MTMR10: variants seen among roughly 807,000 people sequenced by gnomAD.
MTMR10 encodes myotubularin related protein 10, also known as myotubularin-related protein 10.
In MTMR10, 56 loss-of-function variants were observed where a neutral mutation model predicts 88.1. The observed-to-expected ratio is 0.64, with a 90% CI of 0.51 to 0.79. The LOEUF is 0.79. Ranked by LOEUF, MTMR10 falls within the 30% of genes least tolerant of loss-of-function variation. MTMR10 has a pLI of 0.00. For missense variants in MTMR10, 883 were observed against 924.7 expected, an observed-to-expected ratio of 0.95 and a Z score of 0.58; for synonymous variants, 380 against 340.9, an observed-to-expected ratio of 1.11 and a Z score of -1.26.
the MTMR10 span, among the ~76,000 whole-genome samples, chr15:30,919,436 A>C: frequency 1.3e-5 from 2 of 151,490 alleles, no homozygotes; most frequent in Non-Finnish European, 2.9e-5. Flanking sequence ...CATGCCTGTA[A>C]TCCCAGCACT....
At chr15:30,963,792 T>C (rs2063439218) in intron 6 of MTMR10, among the ~76,000 whole-genome samples, 1 of 152,158 alleles carries the variant, frequency 6.6e-6, no homozygotes. Context: ...GAAGGAAGAC[T>C]TAGGAGTTAT....
chr15:30,941,163 G>C lies in MTMR10; in HGVS notation c.*307C>G. On this transcript the variant is annotated 3_prime_UTR_variant, in exon 16 of 16. Transcript: ENST00000435680. ...GGGCTGCTAATGTGACTGACTATCA[G>C]ATAGCCTTCAGGAGGTGGTAGGAAA... 2 of 1,319,468 alleles carry C rather than the reference G, an allele frequency of 1.5e-6. No individual in the cohort carries two copies. Among genetic ancestry groups the C allele is most frequent in the Admixed American group, 4.5e-5 (2 of 44,196 alleles). 81.7% of individuals were successfully genotyped at this position (1,319,468 alleles called of 1,614,324 possible).
chr15:30,920,422 C>T, the MTMR10 span: 1 of 680,802 alleles, frequency 1.5e-6, no homozygotes, highest in African/African-American at 1.8e-5. Flanking sequence ...TTGTACACAA[C>T]TGAAAGTATT....
At chr15:30,925,707 C>T in the MTMR10 span, 1 of 1,489,728 alleles carries the variant, frequency 6.7e-7, no homozygotes, top group Non-Finnish European at 9.2e-7. Flanking sequence ...TAAGGGAGGT[C>T]AATCCTCACG....
At chr15:30,949,267 G>A (rs1490957356) in intron 12 of MTMR10, 1 of 152,182 alleles carries the variant, frequency 6.6e-6, no homozygotes, top group African/African-American at 2.4e-5. Context: ...ACTGGTGAAA[G>A]ACTGGATACT....
intron 1 of MTMR10, chr15:30,991,171 G>A (rs914850539): frequency 4.2e-6 from 2 of 475,366 alleles, no homozygotes; most frequent in African/African-American, 2.0e-5. Flanking sequence ...GAAAACCCCA[G>A]CTCCCAAGGC....
chr15:30,961,589 C>T (rs1394543696), intron 6 of MTMR10, among the ~76,000 whole-genome samples: 3 of 152,164 alleles, frequency 2.0e-5, no homozygotes, highest in South Asian at 2.1e-4. Context: ...TTCACAACTC[C>T]GTAAAACAGC....
At position 30,959,129 on chromosome 15, in the gene MTMR10, G is replaced by A; in HGVS notation, c.759-8C>T. On this transcript the variant is annotated splice_polypyrimidine_tract_variant and splice_region_variant and intron_variant, in intron 7 of 15. Transcript: ENST00000435680. ...ACAATGTATTCTGGAAGGCTGGAGG[G>A]GAAAAAAAAAATTATATGAGTGCTG... 2.6e-6 allele frequency: 4 copies of A among 1,544,008 alleles called. No individual in the cohort carries two copies. Among genetic ancestry groups the A allele is most frequent in the Middle Eastern group, 1.7e-4 (1 of 5,900 alleles).
intron 14 of MTMR10, among the ~76,000 whole-genome samples, chr15:30,944,856 A>G (rs1303704648): frequency 6.6e-6 from 1 of 151,968 alleles, no homozygotes; most frequent in Non-Finnish European, 1.5e-5. Flanking sequence ...ACAAAAAAAT[A>G]CAAAAATTAG....
Position 30,954,752 on chromosome 15 carries a change from A to T in MTMR10, c.1066+11T>A. 6.3e-7 allele frequency: 1 copy of T among 1,585,690 alleles called. No homozygotes were observed. The highest frequency in any genetic ancestry group is 8.6e-7 in the Non-Finnish European group (1 of 1,169,080). On this transcript the variant is annotated intron_variant, in intron 10 of 15. Transcript: ENST00000435680. ...GTGTTCATTATATATATGAAATAAGAATGAAATTACCATTAACGCATAGCT... is the reference window on the plus strand; with the variant it reads ...GTGTTCATTATATATATGAAATAAGTATGAAATTACCATTAACGCATAGCT...
rs866545347 is a variant in MTMR10, at chr15:30,942,930, C to T, written c.1691G>A (p.Cys564Tyr). Residue 564 changes from cysteine to tyrosine, a missense_variant, in exon 15 of 16, where the codon TGT (cysteine) becomes TAT (tyrosine). Cys to Tyr is a radical substitution (Grantham distance 194). Around this residue, in one of 3 missense-constraint regions of MTMR10, gnomAD observed 343 missense variants for 323.2 expected, o/e 1.06. Transcript: ENST00000435680. Reference sequence around the variant, plus strand: ...AGACTTCACGGAGCCATTCTGTATACAAGGTGTGCTCTTTCCAATGTAGAA... The same window carrying T: ...AGACTTCACGGAGCCATTCTGTATATAAGGTGTGCTCTTTCCAATGTAGAA... ...NPFYIGKSTP[C>Y]IQNGSVKSFK... 3 of 1,568,108 alleles carry T rather than the reference C, an allele frequency of 1.9e-6. No individual in the cohort carries two copies. The highest frequency in any genetic ancestry group is 1.9e-5 in the Admixed American group (1 of 53,324).
At chr15:30,980,077 C>T (rs982788570) in intron 2 of MTMR10, among the ~76,000 whole-genome samples, 7 of 152,174 alleles carry the variant, frequency 4.6e-5, no homozygotes, top group African/African-American at 1.7e-4. Context: ...GTTACTGAAG[C>T]GACAACTCTT....
chr15:30,991,385 G>T lies in MTMR10; in HGVS notation c.60+62C>A, dbSNP rs146920979. ...TGGGGTCCTCCAGTTCCCGGGGGTC[G>T]GCCTGGAGGCTCCACGGAAGCGCAG... On this transcript the variant is annotated intron_variant, in intron 1 of 15. Coordinates refer to ENST00000435680, the MANE Select transcript of MTMR10 (RefSeq NM_017762.3). 1,208 of 1,393,312 alleles carry T rather than the reference G, an allele frequency of 8.7e-4. 10 individuals carry two copies. In the African/African-American group the frequency reaches 0.016, roughly 19 times the overall value. 86.3% of individuals were successfully genotyped at this position (1,393,312 alleles called of 1,614,324 possible).
chr15:30,922,474 ATTC>A, the MTMR10 span: 1 of 1,066,844 alleles, frequency 9.4e-7, no homozygotes, highest in Non-Finnish European at 1.4e-6. Context: ...TTTTGTTAAC[ATTC>A]TTCTTTTGTC....
rs767912155 is a variant in MTMR10 at position 30,942,029 on chromosome 15, T to A, written c.1775A>T (p.Lys592Met). ...STLRGMPSAL[K>M]NGIISDQELL... ...TTCTTGGTCACTGATGATTCCATTC[T>A]TTAAGGCAGACGGCATTCCTCTTAG... The change falls in exon 16 of 16, where the codon AAG becomes ATG. Residue 592 changes from lysine to methionine, a missense_variant. By Grantham distance (95) the Lys-to-Met change is moderately conservative. Coordinates refer to ENST00000435680, the MANE Select transcript of MTMR10 (RefSeq NM_017762.3). 1 of 1,614,056 alleles carries A rather than the reference T, an allele frequency of 6.2e-7. No individual in the cohort carries two copies. Among genetic ancestry groups the A allele is most frequent in the Non-Finnish European group, 8.5e-7 (1 of 1,179,888 alleles).
At chr15:30,968,121 C>A in intron 5 of MTMR10, 111 bp from the exon 6 acceptor site, 1 of 713,236 alleles carries the variant, frequency 1.4e-6, no homozygotes. Flanking sequence ...ATTATAGATA[C>A]TATTTACATG....
the MTMR10 span, among the ~76,000 whole-genome samples, chr15:30,923,004 C>A: frequency 4.8e-4 from 73 of 152,212 alleles, no homozygotes; most frequent in Non-Finnish European, 1.0e-3. Flanking sequence ...TTTGTGTGGC[C>A]GCCAGCAGGC....
chr15:30,941,168 C>T lies in MTMR10; in HGVS notation c.*302G>A, dbSNP rs529973073. The T allele has an allele frequency of 9.1e-4, 1,206 of 1,322,704 alleles. 1 individual carries two copies. The highest frequency in any genetic ancestry group is 1.1e-3 in the Non-Finnish European group (1,130 of 1,011,622). 81.9% of individuals were successfully genotyped at this position (1,322,704 alleles called of 1,614,324 possible). On this transcript the variant is annotated 3_prime_UTR_variant, in exon 16 of 16. Transcript: ENST00000435680. ...GCTAATGTGACTGACTATCAGATAG[C>T]CTTCAGGAGGTGGTAGGAAAAATGG...
the MTMR10 span, chr15:30,920,521 T>C: frequency 7.1e-7 from 1 of 1,416,756 alleles, no homozygotes; most frequent in Non-Finnish European, 9.9e-7. Context: ...ATTATTAAAC[T>C]ACTGGTATAT....
Sources: gnomAD v4.1 joint callset for allele counts (sites outside exome capture counted in the v4.1 genomes callset) on GRCh38, gnomAD v4.1.1 for gene constraint, gnomAD v4.1.1 regional missense constraint, MANE v1.5 for transcripts, NCBI Gene and HGNC (gene_info 2026-07-23, HGNC 2026-07-21) for gene names.